Variants in IMPG1 observed in about 807,000 individuals in gnomAD.
IMPG1 encodes the protein interphotoreceptor matrix proteoglycan of 150 kDa.
A neutral mutation model predicts 92.0 loss-of-function variants in IMPG1; 85 were observed. That is an observed-to-expected ratio of 0.92 (90% CI 0.78 to 1.11). The LOEUF (loss-of-function observed/expected upper bound fraction) is 1.11, where lower values mean the gene tolerates loss of function less well. Among genes scored for constraint, IMPG1 ranks in the 50% least tolerant of loss-of-function variants. The pLI is 0.00. For missense variants in IMPG1, 1,022 were observed against 956.0 expected (o/e 1.07, Z -0.91); for synonymous variants, 367 against 334.1 (o/e 1.10, Z -1.08).
chr6:75,937,589 A>C (rs1170728326), intron 14 of IMPG1, among the ~76,000 whole-genome samples: 10 of 152,200 alleles, frequency 6.6e-5, no homozygotes, highest in African/African-American at 2.4e-4. Flanking sequence ...GGGGGGAAAT[A>C]ATATCTACCT....
intron 14 of IMPG1, among the ~76,000 whole-genome samples, chr6:75,940,490 G>A (rs940135814): frequency 6.6e-6 from 1 of 152,094 alleles, no homozygotes; most frequent in Non-Finnish European, 1.5e-5. Flanking sequence ...CAAACTTGCA[G>A]TATTGTATGA....
At chr6:75,925,708 C>T (rs1781538467) in intron 15 of IMPG1, among the ~76,000 whole-genome samples, 1 of 152,132 alleles carries the variant, frequency 6.6e-6, no homozygotes, top group Non-Finnish European at 1.5e-5. Context: ...CTCTGTCACC[C>T]AGGCTGGAGT....
chr6:76,033,271 G>T (rs1562377708), intron 4 of IMPG1, among the ~76,000 whole-genome samples: 1 of 152,302 alleles, frequency 6.6e-6, no homozygotes, highest in African/African-American at 2.4e-5. Context: ...TTCTCTCTCT[G>T]ATTTCTTCCT....
chr6:76,021,485 T>C (rs1219564512), intron 6 of IMPG1, among the ~76,000 whole-genome samples: 2 of 152,026 alleles, frequency 1.3e-5, no homozygotes, highest in Non-Finnish European at 2.9e-5. Flanking sequence ...TTGTCGACAA[T>C]GAGGACAGTG....
chr6:75,934,177 T>TA (rs1781703677), intron 14 of IMPG1, among the ~76,000 whole-genome samples: 1 of 152,198 alleles, frequency 6.6e-6, no homozygotes, highest in East Asian at 1.9e-4. Context: ...AAGGTTCCCT[T>TA]AACTAAACAA....
In IMPG1 at chr6:75,989,564, C is replaced by T. The variant is rs115851183; in HGVS notation, c.1291+13354G>A. On this transcript the variant is annotated intron_variant, in intron 12 of 16. Coordinates refer to ENST00000369950, the MANE Select transcript of IMPG1 (RefSeq NM_001563.4). Reference sequence around the variant, plus strand: ...ACTCTAAGCATATGCACATCTTGGCCGGGTATGGTGGCTCACACCTGTAAT... The same window carrying T: ...ACTCTAAGCATATGCACATCTTGGCTGGGTATGGTGGCTCACACCTGTAAT... Among the ~76,000 whole-genome samples the T allele has an allele frequency of 1.0e-2, 1,519 of 152,256 alleles. 25 individuals carry two copies. Among genetic ancestry groups the T allele is most frequent in the African/African-American group, 0.035 (1,440 of 41,524 alleles).
rs758429215 is a variant in IMPG1, at chr6:76,011,181, T to C, written c.851A>G (p.His284Arg). The C allele has an allele frequency of 3.2e-6, 5 of 1,539,180 alleles. No individual in the cohort carries two copies. Among genetic ancestry groups the C allele is most frequent in the African/African-American group, 1.4e-5 (1 of 73,550 alleles). The change falls in exon 8 of 17, where the codon CAT (histidine) becomes CGT (arginine). Residue 284 changes from histidine (H) to arginine (R), a missense_variant. This residue lies in a region of IMPG1 where 681 missense variants were observed against 583.6 expected (regional missense o/e 1.17). Transcript: ENST00000369950. ...FKKLPGFKKI[H>R]VLGFRPKKEK... ...TCTTACTTACCTAAATCCTAACACATGGATTTTTTTGAATCCTGGAAGTTT... is the reference window on the plus strand; with the variant it reads ...TCTTACTTACCTAAATCCTAACACACGGATTTTTTTGAATCCTGGAAGTTT...
At chr6:75,960,082 G>A (rs973381038) in intron 12 of IMPG1, among the ~76,000 whole-genome samples, 6 of 152,124 alleles carry the variant, frequency 3.9e-5, no homozygotes, top group Non-Finnish European at 7.3e-5. Context: ...CGTTCCTCAC[G>A]GCACAGTCTC....
At chr6:75,984,394 A>C (rs552036918) in intron 12 of IMPG1, among the ~76,000 whole-genome samples, 2 of 152,224 alleles carry the variant, frequency 1.3e-5, no homozygotes, top group African/African-American at 2.4e-5. Context: ...AAAAAAGAAG[A>C]AAATGCTACC....
chr6:75,983,272 C>T (rs1320277379), intron 12 of IMPG1, among the ~76,000 whole-genome samples: 1 of 152,006 alleles, frequency 6.6e-6, no homozygotes, highest in African/African-American at 2.4e-5. Context: ...AGAGAGCCTT[C>T]TCTTTTAATT....
chr6:75,958,576 CTTTG>C (rs1001630571), intron 12 of IMPG1, among the ~76,000 whole-genome samples: 1 of 152,028 alleles, frequency 6.6e-6, no homozygotes, highest in Admixed American at 6.6e-5. Context: ...TTCTTGGAGG[CTTTG>C]TTTGTTCCTT....
At chr6:76,002,625 G>A (rs1035778928) in intron 12 of IMPG1, among the ~76,000 whole-genome samples, 2 of 152,178 alleles carry the variant, frequency 1.3e-5, no homozygotes, top group Non-Finnish European at 2.9e-5. Flanking sequence ...TGTTCTGGGT[G>A]AGCAGCAGTT....
intron 1 of IMPG1, among the ~76,000 whole-genome samples, chr6:76,058,658 A>G (rs1478486222): frequency 6.6e-6 from 1 of 152,184 alleles, no homozygotes; most frequent in African/African-American, 2.4e-5. Context: ...AATGAAGGGA[A>G]ATCATGCTGC....
intron 13 of IMPG1, among the ~76,000 whole-genome samples, chr6:75,950,307 T>C (rs759082605): frequency 1.6e-4 from 25 of 152,322 alleles, no homozygotes; most frequent in Middle Eastern, 3.4e-3. Flanking sequence ...AGAATTATAA[T>C]GAAAAGAGTT....
At chr6:75,971,917 T>C (rs1164225197) in intron 12 of IMPG1, among the ~76,000 whole-genome samples, 1 of 152,240 alleles carries the variant, frequency 6.6e-6, no homozygotes, top group African/African-American at 2.4e-5. Flanking sequence ...TTGCTGATTG[T>C]GTGTTTGAAT....
At chr6:75,953,783 C>T (rs1212959446) in intron 12 of IMPG1, among the ~76,000 whole-genome samples, 1 of 151,086 alleles carries the variant, frequency 6.6e-6, no homozygotes, top group Non-Finnish European at 1.5e-5. Flanking sequence ...CCATGACAAG[C>T]CCCAGTGTGT....
Position 76,022,094 on chromosome 6 carries a change from A to G in IMPG1, c.666+22T>C, listed in dbSNP as rs751822650. ...CAAAAACAGGCACATGAAGAGCTAGATCAACTCTAGGAACTTCTTACTGTT... is the reference window on the plus strand; with the variant it reads ...CAAAAACAGGCACATGAAGAGCTAGGTCAACTCTAGGAACTTCTTACTGTT... On this transcript the variant is annotated intron_variant, in intron 6 of 16. Transcript: ENST00000369950. 6 of 1,350,380 alleles carry G rather than the reference A, an allele frequency of 4.4e-6. No individual in the cohort carries two copies. The East Asian group carries it at 1.4e-4, about 32-fold the overall frequency. The allele number at this position is 1,350,380 out of a possible 1,614,324, so 83.6% of individuals were successfully genotyped here. A position where few individuals can be genotyped will look rare whatever the true frequency, so the allele number is the denominator to read the frequency against.
chr6:75,923,658 C>A lies in IMPG1; in HGVS notation c.2292G>T (p.Lys764Asn), dbSNP rs529799646. The change falls in exon 16 of 17, where the codon AAG (lysine) becomes AAT (asparagine). Residue 764 changes from lysine to asparagine, a missense_variant. This residue lies in a region of IMPG1 where 332 missense variants were observed against 346.2 expected (regional missense o/e 0.96). Coordinates refer to ENST00000369950, the MANE Select transcript of IMPG1 (RefSeq NM_001563.4). ...CCTTGTTATTTTGTTGATTTTGGAA[C>A]TTTTTAACACTAGTTTTGTATGCTT... ...ENQAYKTSVKKFQNQQNNKVI... is the reference protein window; with the variant it reads ...ENQAYKTSVKNFQNQQNNKVI... 12 of 1,587,798 alleles carry A rather than the reference C, an allele frequency of 7.6e-6. No individual in the cohort carries two copies. The African/African-American group carries it at 1.6e-4, about 21-fold the overall frequency.
chr6:76,019,170 T>G (rs1562372037), intron 6 of IMPG1, among the ~76,000 whole-genome samples: 1 of 152,154 alleles, frequency 6.6e-6, no homozygotes, highest in Non-Finnish European at 1.5e-5. Flanking sequence ...GAGGCATGGT[T>G]CTGAGGATCT....
Sources: gnomAD v4.1 joint callset for allele counts (sites outside exome capture counted in the v4.1 genomes callset) on GRCh38, gnomAD v4.1.1 for gene constraint, gnomAD v4.1.1 regional missense constraint, MANE v1.5 for transcripts, NCBI Gene and HGNC (gene_info 2026-07-23, HGNC 2026-07-21) for gene names.